The following NCEH1 variants were observed in gnomAD, a reference collection of about 807,000 sequenced individuals.
NCEH1 encodes neutral cholesterol ester hydrolase 1.
A neutral mutation model predicts 25.4 loss-of-function variants in NCEH1; 9 were observed. That is an observed-to-expected ratio of 0.35 (90% CI 0.21 to 0.62). The LOEUF (loss-of-function observed/expected upper bound fraction) is 0.62, where lower values mean the gene tolerates loss of function less well. Ranked by LOEUF, NCEH1 falls within the 20% of genes least tolerant of loss-of-function variation. NCEH1 has a pLI of 0.72. For synonymous variants in NCEH1, 200 were observed against 199.8 expected, an observed-to-expected ratio of 1.00 and a Z score of -0.01; for missense variants, 412 against 501.1, an observed-to-expected ratio of 0.82 and a Z score of 1.70.
At chr3:172,688,261 CG>C (rs1712809424) in intron 1 of NCEH1, among the ~76,000 whole-genome samples, 1 of 130,944 alleles carries the variant, frequency 7.6e-6, no homozygotes, top group African/African-American at 3.0e-5. Flanking sequence ...ATCTGGGAGG[CG>C]GAGGTTGCAG....
chr3:172,641,813 T>C (rs1716865082), intron 3 of NCEH1, among the ~76,000 whole-genome samples: 1 of 152,216 alleles, frequency 6.6e-6, no homozygotes, highest in Non-Finnish European at 1.5e-5. Flanking sequence ...ACAAATCCAC[T>C]TTTTCTAATG....
chr3:172,709,270 T>C (rs1026593173), intron 1 of NCEH1, among the ~76,000 whole-genome samples: 23 of 152,256 alleles, frequency 1.5e-4, no homozygotes, highest in Admixed American at 1.1e-3. Flanking sequence ...GAATAATCTC[T>C]GCAGCCAACA....
intron 3 of NCEH1, among the ~76,000 whole-genome samples, chr3:172,637,046 C>T (rs1394985146): frequency 3.3e-5 from 5 of 152,116 alleles, no homozygotes; most frequent in Non-Finnish European, 5.9e-5. Context: ...TTTCTATGTG[C>T]CAGGGTACGT....
At chr3:172,645,021 A>G (rs1004841370) in intron 3 of NCEH1, among the ~76,000 whole-genome samples, 1 of 152,222 alleles carries the variant, frequency 6.6e-6, no homozygotes, top group African/African-American at 2.4e-5. Context: ...AAGCATTCGC[A>G]CAATGCCTGG....
rs1717206918 is a variant in NCEH1 at position 172,648,082 on chromosome 3, A to G, written c.171T>C (p.His57=). Residue 57 remains histidine (H), a synonymous_variant, in exon 2 of 5, where the codon CAT becomes CAC. Transcript: ENST00000475381. ...TGATAAAATTCAGTGCCAGCAGGTG[A>G]TGGCTCAGTCCCAGGTAGTGGATCA... is the stretch of plus-strand genomic sequence containing the variant. ...SNLIHYLGLS[H]HLLALNFIIV... 6.2e-7 allele frequency: 1 copy of G among 1,613,988 alleles called. No homozygotes were observed. Among genetic ancestry groups the G allele is most frequent in the Non-Finnish European group, 8.5e-7 (1 of 1,180,008 alleles).
intron 1 of NCEH1, among the ~76,000 whole-genome samples, chr3:172,674,368 G>A (rs780485092): frequency 1.3e-5 from 2 of 150,486 alleles, no homozygotes; most frequent in East Asian, 2.0e-4. Context: ...GCTTGAACCC[G>A]GGAGGCGGAG....
intron 2 of NCEH1, among the ~76,000 whole-genome samples, chr3:172,646,864 T>C (rs1043579106): frequency 2.6e-5 from 4 of 152,180 alleles, no homozygotes; most frequent in Non-Finnish European, 5.9e-5. Flanking sequence ...CTCCTTCTTA[T>C]TCATTTTTGT....
At chr3:172,690,995 G>A (rs1031817861) in intron 1 of NCEH1, among the ~76,000 whole-genome samples, 1 of 150,628 alleles carries the variant, frequency 6.6e-6, no homozygotes, top group Non-Finnish European at 1.5e-5. Context: ...CAGGGATTAT[G>A]TAACTTAAAC....
intron 3 of NCEH1, among the ~76,000 whole-genome samples, chr3:172,636,727 C>T (rs967212116): frequency 3.3e-5 from 5 of 152,170 alleles, no homozygotes; most frequent in African/African-American, 1.2e-4. Flanking sequence ...GGGGCTTCTC[C>T]AACTGGCCCC....
At chr3:172,669,470 T>C (rs2108511495) in intron 1 of NCEH1, among the ~76,000 whole-genome samples, 1 of 152,364 alleles carries the variant, frequency 6.6e-6, no homozygotes, top group South Asian at 2.1e-4. Context: ...GAATGTTTTG[T>C]GGATGTAGTT....
chr3:172,706,381 A>G (rs1449508666), intron 1 of NCEH1, among the ~76,000 whole-genome samples: 2 of 152,154 alleles, frequency 1.3e-5, no homozygotes, highest in African/African-American at 4.8e-5. Flanking sequence ...CCTGCTTAAC[A>G]CATGGTACAA....
At chr3:172,685,859 C>T (rs1712668196) in intron 1 of NCEH1, among the ~76,000 whole-genome samples, 1 of 152,158 alleles carries the variant, frequency 6.6e-6, no homozygotes, top group Admixed American at 6.5e-5. Flanking sequence ...GCTTTTGTAG[C>T]CTTTTTACCA....
intron 1 of NCEH1, among the ~76,000 whole-genome samples, chr3:172,669,416 C>G (rs1372639102): frequency 1.3e-5 from 2 of 152,144 alleles, no homozygotes; most frequent in African/African-American, 4.8e-5. Flanking sequence ...TATTTTAGCT[C>G]AGAATGGTAA....
chr3:172,662,305 C>T (rs1718007294), intron 1 of NCEH1, among the ~76,000 whole-genome samples: 1 of 152,134 alleles, frequency 6.6e-6, no homozygotes, highest in South Asian at 2.1e-4. Context: ...ACCTTGCACC[C>T]CAGGGATGAA....
intron 1 of NCEH1, among the ~76,000 whole-genome samples, chr3:172,665,547 A>G (rs1283991394): frequency 1.3e-5 from 2 of 152,228 alleles, no homozygotes; most frequent in East Asian, 3.9e-4. Context: ...AGTCTGCAGA[A>G]GTTTCTGCTG....
At position 172,633,829 on chromosome 3, in the gene NCEH1, G is replaced by C. The variant is rs977314894; in HGVS notation, c.873C>G (p.Leu291=). Residue 291 remains leucine (L), a synonymous_variant, in exon 5 of 5, where the codon CTC becomes CTG. Coordinates refer to ENST00000475381, the MANE Select transcript of NCEH1 (RefSeq NM_020792.6). The stretch of plus-strand genomic sequence containing the variant: ...AGTTCTTTGTGAAGGATGCAGGCAA[G>C]AGGGATGTCCAGTTTAGACGGGCCC... ...AVRARLNWTS[L]LPASFTKNYK... is the part of the protein sequence containing the mutation. 6.2e-7 allele frequency: 1 copy of C among 1,614,240 alleles called. No homozygotes were observed. Among genetic ancestry groups the C allele is most frequent in the African/African-American group, 1.3e-5 (1 of 75,068 alleles).
rs76876731 is a variant in NCEH1, at chr3:172,698,946, G to C, written c.138+11901C>G. On this transcript the variant is annotated intron_variant, in intron 1 of 4. Transcript: ENST00000475381. Reference sequence around the variant, plus strand: ...TCTCTTTAGTCTCTCTATCGTGAATGGTCTTCAAACAAAAATAAAAGTCCT... The same window carrying C: ...TCTCTTTAGTCTCTCTATCGTGAATCGTCTTCAAACAAAAATAAAAGTCCT... Among the ~76,000 whole-genome samples, 17 of 152,206 alleles carry C rather than the reference G, an allele frequency of 1.1e-4. No individual in the cohort carries two copies. In the South Asian group the frequency reaches 3.3e-3, roughly 30 times the overall value.
chr3:172,674,296 T>C (rs1010221050), intron 1 of NCEH1, among the ~76,000 whole-genome samples: 5 of 151,854 alleles, frequency 3.3e-5, no homozygotes, highest in African/African-American at 9.7e-5. Flanking sequence ...CAAAGAAAAT[T>C]AGCCGGGTGT....
chr3:172,688,929 A>G (rs561243937), intron 1 of NCEH1, among the ~76,000 whole-genome samples: 1 of 152,308 alleles, frequency 6.6e-6, no homozygotes, highest in African/African-American at 2.4e-5. Context: ...AACCAAAGCA[A>G]CTTTCAGAGC....
Sources: allele counts gnomAD v4.1 joint callset (sites outside exome capture counted in the v4.1 genomes callset), GRCh38; gene constraint gnomAD v4.1.1; transcripts MANE v1.5; gene names NCBI Gene and HGNC (gene_info 2026-07-23, HGNC 2026-07-21).